NANS: variants seen among roughly 807,000 people sequenced by gnomAD.
NANS encodes the protein N-acetylneuraminate-9-phosphate synthase.
Under a neutral mutation model 33.3 loss-of-function variants are expected in NANS, and 29 were observed. That is an observed-to-expected ratio of 0.87 (90% CI 0.65 to 1.19). The LOEUF is 1.19. Among genes scored for constraint, NANS ranks in the 50% most tolerant of loss-of-function variants. The pLI is 0.00. For synonymous variants in NANS, 163 were observed against 177.2 expected (o/e 0.92, Z 0.64); for missense variants, 394 against 461.1 (o/e 0.85, Z 1.33).
chr9:98,061,111 C>CAGCT, intron 2 of NANS, 114 bp downstream of exon 2: 1 of 1,012,730 alleles, frequency 9.9e-7, no homozygotes. Flanking sequence ...TTTCTGTTCC[C>CAGCT]AGCTACTGGA....
At chr9:98,078,015 G>A (rs2117963087) in intron 3 of NANS, 178 bp from the exon 4 acceptor site, 2 of 829,110 alleles carry the variant, frequency 2.4e-6, no homozygotes, top group Non-Finnish European at 1.8e-6. Flanking sequence ...CACCTTTCCT[G>A]TGGCCGAGGG....
At chr9:98,059,034 T>TA (rs375880815) in intron 1 of NANS, among the ~76,000 whole-genome samples, 13 of 152,228 alleles carry the variant, frequency 8.5e-5, no homozygotes, top group South Asian at 2.1e-4. Context: ...TTTTTATTTT[T>TA]TTTTTTCAAG....
Position 98,078,354 on chromosome 9 carries a change from A to AGGAG in NANS, c.603+14_603+17dup. 1 of 1,613,166 alleles carries AGGAG rather than the reference A, an allele frequency of 6.2e-7. No homozygotes were observed. Among genetic ancestry groups the AGGAG allele is most frequent in the Non-Finnish European group, 8.5e-7 (1 of 1,179,414 alleles). On this transcript the variant is annotated splice_region_variant and intron_variant, in intron 4 of 5. Transcript: ENST00000210444. ...CAACCTGCGGGTCATCTCGGTGAGC[A>AGGAG]GGAGGGAGGGGGTTCCCTTCTTGGG...
chr9:98,081,046 G>A lies in NANS; in HGVS notation c.834G>A (p.Lys278=). Residue 278 remains lysine (K), a synonymous_variant, in exon 5 of 6, where the codon AAG becomes AAA. Transcript: ENST00000210444. The part of the protein sequence containing the change: ...LVERALGSPT[K]QLLPCEMACN... ...AGCGTGCCCTGGGCTCCCCAACCAA[G>A]CAGCTGCTGCCCTGTGAGATGGCCT... The A allele has an allele frequency of 6.2e-7, 1 of 1,614,166 alleles. No individual in the cohort carries two copies. The highest frequency in any genetic ancestry group is 2.2e-5 in the East Asian group (1 of 44,866).
At position 98,056,753 on chromosome 9, in the gene NANS, G is replaced by C. The variant is rs1828832184; in HGVS notation, c.-56G>C. 1.0e-5 allele frequency: 16 copies of C among 1,584,250 alleles called. No individual in the cohort carries two copies. The South Asian group carries it at 1.8e-4, about 18-fold the overall frequency. ...GCTCACAGAACAGAGTAGAGGCGGC[G>C]GCGGCGGCGGCCGGACCCAGACTGG... is the stretch of plus-strand genomic sequence containing the variant. On this transcript the variant is annotated 5_prime_UTR_variant, in exon 1 of 6. Coordinates refer to ENST00000210444, the MANE Select transcript of NANS (RefSeq NM_018946.4).
intron 4 of NANS, 136 bp from the exon 5 acceptor site, chr9:98,080,680 G>C (rs1019605526): frequency 3.9e-5 from 35 of 907,014 alleles, no homozygotes; most frequent in Non-Finnish European, 5.7e-5. Flanking sequence ...GAGAGGCTCA[G>C]AGAGCCTCAG....
intron 2 of NANS, among the ~76,000 whole-genome samples, chr9:98,065,705 A>G (rs537753255): frequency 3.8e-4 from 57 of 151,306 alleles, no homozygotes; most frequent in African/African-American, 1.4e-3. Flanking sequence ...CGAAATCTCA[A>G]CTTGAATTTT....
intron 5 of NANS, 30 bp downstream of exon 5, chr9:98,081,112 G>C (rs1587931783): frequency 2.5e-6 from 4 of 1,610,444 alleles, no homozygotes; most frequent in East Asian, 4.5e-5. Context: ...ACTCGGTTCT[G>C]CTGCCGTGTG....
intron 2 of NANS, chr9:98,069,639 C>T (rs1314197804): frequency 1.3e-5 from 2 of 152,250 alleles, no homozygotes; most frequent in Admixed American, 1.3e-4. Context: ...AGTGAGAAAG[C>T]AGCATATGCA....
At chr9:98,078,807 C>A (rs931910964) in intron 4 of NANS, among the ~76,000 whole-genome samples, 3 of 145,902 alleles carry the variant, frequency 2.1e-5, no homozygotes, top group Non-Finnish European at 4.5e-5. Context: ...TGCACTCAAG[C>A]CTGGGTGACA....
intron 2 of NANS, chr9:98,075,413 A>C (rs1829541446): frequency 7.3e-6 from 1 of 137,222 alleles, no homozygotes; most frequent in East Asian, 2.5e-4. Flanking sequence ...GAGGAAGGAA[A>C]GGGAGAGAGG....
At chr9:98,078,398 G>A (rs2117971616) in intron 4 of NANS, 51 bp downstream of exon 4, 1 of 1,569,978 alleles carries the variant, frequency 6.4e-7, no homozygotes, top group Non-Finnish European at 8.6e-7. Context: ...TATGGGGAAG[G>A]CGTAGTCTTT....
At chr9:98,060,313 C>A (rs956359487) in intron 1 of NANS, among the ~76,000 whole-genome samples, 8 of 152,146 alleles carry the variant, frequency 5.3e-5, no homozygotes. Flanking sequence ...GACTTTCTTG[C>A]CTTTTCTGTT....
At chr9:98,068,237 C>T (rs922497771) in intron 2 of NANS, among the ~76,000 whole-genome samples, 6 of 152,114 alleles carry the variant, frequency 3.9e-5, no homozygotes, top group African/African-American at 1.4e-4. Context: ...CGGGTTCAAG[C>T]GATTCTCATG....
At chr9:98,081,106 G>A (rs1391472022) in intron 5 of NANS, 24 bp downstream of exon 5, 8 of 1,612,646 alleles carry the variant, frequency 5.0e-6, no homozygotes, top group South Asian at 2.2e-5. Context: ...GACTCTACTC[G>A]GTTCTGCTGC....
At chr9:98,072,230 G>A (rs747778603) in intron 2 of NANS, among the ~76,000 whole-genome samples, 11 of 152,012 alleles carry the variant, frequency 7.2e-5, no homozygotes, top group African/African-American at 1.9e-4. Context: ...AGCTAAACCC[G>A]TGGGGTGCCA....
rs540341211 is a variant in NANS, at chr9:98,056,912, T to C, written c.104T>C (p.Val35Ala). The C allele has an allele frequency of 7.5e-6, 12 of 1,609,182 alleles. No individual in the cohort carries two copies. The East Asian group carries it at 2.7e-4, about 36-fold the overall frequency. Residue 35 changes from valine to alanine, a missense_variant, in exon 1 of 6, where the codon GTA (valine) becomes GCA (alanine). Physicochemically the swap from Val to Ala is moderately conservative, Grantham distance 64. Coordinates refer to ENST00000210444, the MANE Select transcript of NANS (RefSeq NM_018946.4). The part of the protein sequence containing the change: ...IGQNHQGDLD[V>A]AKRMIRMAKE... ...CAGAACCACCAGGGCGACCTGGACG[T>C]AGCCAAGCGCATGATCCGCATGGCC... is the stretch of plus-strand genomic sequence containing the variant.
chr9:98,079,220 G>C (rs1428198897), intron 4 of NANS, among the ~76,000 whole-genome samples: 1 of 152,164 alleles, frequency 6.6e-6, no homozygotes, highest in Non-Finnish European at 1.5e-5. Flanking sequence ...CTAGGCCTTT[G>C]TCTCTTACTG....
In NANS at chr9:98,080,925, A is replaced by C; in HGVS notation, c.713A>C (p.His238Pro). The part of the protein sequence containing the change: ...VALGAKVLER[H>P]ITLDKTWKGS... ...CTGGGGGCCAAGGTGTTGGAACGTC[A>C]CATAACTTTGGACAAGACCTGGAAG... The change falls in exon 5 of 6, where the codon CAC (histidine) becomes CCC (proline). Residue 238 changes from histidine to proline, a missense_variant. His to Pro is a moderately conservative substitution (Grantham distance 77). Coordinates refer to ENST00000210444, the MANE Select transcript of NANS (RefSeq NM_018946.4). 1 of 1,614,202 alleles carries C rather than the reference A, an allele frequency of 6.2e-7. No homozygotes were observed. Among genetic ancestry groups the C allele is most frequent in the Non-Finnish European group, 8.5e-7 (1 of 1,180,028 alleles).
Sources: gnomAD v4.1 joint callset for allele counts (sites outside exome capture counted in the v4.1 genomes callset) on GRCh38, gnomAD v4.1.1 for gene constraint, MANE v1.5 for transcripts, NCBI Gene and HGNC (gene_info 2026-07-23, HGNC 2026-07-21) for gene names.